The following IRAK2 variants were observed in gnomAD, a reference collection of about 807,000 sequenced individuals.
IRAK2 encodes interleukin-1 receptor-associated kinase-like 2.
In IRAK2, 57 loss-of-function variants were observed where a neutral mutation model predicts 72.0. The ratio of observed to expected loss-of-function variants is 0.79; its 90% CI spans 0.64 to 0.99. IRAK2 has a LOEUF of 0.99. IRAK2 is among the 50% of genes least tolerant of loss of function. The pLI is 0.00. For missense variants in IRAK2, 790 were observed against 794.4 expected, an observed-to-expected ratio of 0.99 and a Z score of 0.07; for synonymous variants, 293 against 312.7, an observed-to-expected ratio of 0.94 and a Z score of 0.67.
At chr3:10,240,313 T>C (rs1698032028) in intron 12 of IRAK2, among the ~76,000 whole-genome samples, 1 of 150,800 alleles carries the variant, frequency 6.6e-6, no homozygotes, top group East Asian at 2.0e-4. Context: ...AAAAATTAGC[T>C]GGGTGTGGTG....
chr3:10,173,764 G>T (rs1696831786), intron 1 of IRAK2, among the ~76,000 whole-genome samples: 1 of 152,182 alleles, frequency 6.6e-6, no homozygotes, highest in South Asian at 2.1e-4. Flanking sequence ...GGCATAGGCT[G>T]CAGTGAACTG....
intron 2 of IRAK2, among the ~76,000 whole-genome samples, chr3:10,181,703 A>T (rs1273395262): frequency 1.3e-5 from 2 of 152,154 alleles, no homozygotes; most frequent in Non-Finnish European, 2.9e-5. Context: ...CTCTACAAAA[A>T]CCACAACCTT....
At chr3:10,215,751 T>TGTACACACACACAC (rs1553625300) in intron 6 of IRAK2, among the ~76,000 whole-genome samples, 16 of 150,026 alleles carry the variant, frequency 1.1e-4, no homozygotes, top group African/African-American at 3.9e-4. Context: ...CTCACATGTG[T>TGTACACACACACAC]ACACACACAC....
intron 6 of IRAK2, among the ~76,000 whole-genome samples, chr3:10,215,054 T>A (rs141585826): frequency 7.3e-4 from 110 of 150,976 alleles, no homozygotes; most frequent in African/African-American, 2.1e-3. Flanking sequence ...ATCATGACAC[T>A]ACACTCCAGC....
intron 10 of IRAK2, among the ~76,000 whole-genome samples, chr3:10,232,249 C>A (rs1692837559): frequency 6.6e-6 from 1 of 152,232 alleles, no homozygotes; most frequent in Admixed American, 6.5e-5. Flanking sequence ...CAGACTGTCT[C>A]ACATTCTGGG....
In IRAK2 at chr3:10,200,414, A is replaced by C; in HGVS notation, c.323A>C (p.Asp108Ala). 1 of 1,606,486 alleles carries C rather than the reference A, an allele frequency of 6.2e-7. No homozygotes were observed. The highest frequency in any genetic ancestry group is 2.2e-5 in the East Asian group (1 of 44,618). The change falls in exon 3 of 13, where the codon GAC becomes GCC. Residue 108 changes from aspartate to alanine, a missense_variant. Transcript: ENST00000256458. The stretch of plus-strand genomic sequence containing the variant: ...AGGTGTCCCATTCCAGCCTTCCCTG[A>C]CTCTGTGAAGCCAGAAAAGCCTTTG... Reference protein sequence around the residue: ...EIRCPIPAFPDSVKPEKPLAA... With the variant: ...EIRCPIPAFPASVKPEKPLAA...
rs777674676 is a variant in IRAK2, at chr3:10,238,861, AGAC to A, written c.1592_1594del (p.Asp531del). The A allele has an allele frequency of 6.2e-7, 1 of 1,614,042 alleles. No individual in the cohort carries two copies. The highest frequency in any genetic ancestry group is 8.5e-7 in the Non-Finnish European group (1 of 1,180,024). On this transcript the variant is annotated inframe_deletion, in exon 12 of 13. Transcript: ENST00000256458. ...CTTCTTCCAACACCCCAGAGGAAACAGACGACGTTGACAATTCCAGCCTTGATG... is the reference window on the plus strand; with the variant it reads ...CTTCTTCCAACACCCCAGAGGAAACAGACGTTGACAATTCCAGCCTTGATG...
chr3:10,190,267 TTTTC>T (rs1181975180), intron 2 of IRAK2, among the ~76,000 whole-genome samples: 6 of 141,628 alleles, frequency 4.2e-5, no homozygotes, highest in African/African-American at 1.4e-4. Flanking sequence ...GATGGTGAGG[TTTTC>T]TTTGTTTCTT....
intron 9 of IRAK2, among the ~76,000 whole-genome samples, chr3:10,226,104 T>A (rs900812948): frequency 6.6e-6 from 1 of 152,204 alleles, no homozygotes. Context: ...GTAATACATA[T>A]AAACACACAC....
At position 10,242,257 on chromosome 3, in the gene IRAK2, C is replaced by T. The variant is rs758313335; in HGVS notation, c.*29C>T. 3.4e-5 allele frequency: 45 copies of T among 1,330,718 alleles called. No homozygotes were observed. The highest frequency in any genetic ancestry group is 4.7e-5 in the Non-Finnish European group (44 of 940,424). 82.4% of individuals were successfully genotyped at this position (1,330,718 alleles called of 1,614,324 possible). On this transcript the variant is annotated 3_prime_UTR_variant, in exon 13 of 13. Coordinates refer to ENST00000256458, the MANE Select transcript of IRAK2 (RefSeq NM_001570.4). ...CCGGAACACAGCTGAGGACCCTTGT[C>T]CTCAGTTGGAAAGATGAGCATCAGA...
intron 2 of IRAK2, among the ~76,000 whole-genome samples, chr3:10,182,279 C>CTTTT (rs71626967): frequency 8.5e-6 from 1 of 117,636 alleles, no homozygotes; most frequent in Non-Finnish European, 1.9e-5. Flanking sequence ...ACATCATTTT[C>CTTTT]TTTTTTTCTT....
At chr3:10,218,035 G>A (rs1432789052) in intron 7 of IRAK2, among the ~76,000 whole-genome samples, 4 of 152,300 alleles carry the variant, frequency 2.6e-5, no homozygotes, top group Non-Finnish European at 4.4e-5. Flanking sequence ...CATTGGGTTC[G>A]TCTGGCTCTA....
At chr3:10,212,021 A>G (rs893336436) in intron 4 of IRAK2, among the ~76,000 whole-genome samples, 1 of 149,350 alleles carries the variant, frequency 6.7e-6, no homozygotes, top group African/African-American at 2.5e-5. Flanking sequence ...CGGAGCTTGC[A>G]GTGAGCCGAG....
chr3:10,177,316 G>A (rs763290871), intron 1 of IRAK2, among the ~76,000 whole-genome samples: 2 of 152,172 alleles, frequency 1.3e-5, no homozygotes, highest in Admixed American at 6.5e-5. Context: ...GTAAGGAGGC[G>A]CTGATGCTCA....
At chr3:10,176,216 A>G (rs560935592) in intron 1 of IRAK2, among the ~76,000 whole-genome samples, 27 of 152,220 alleles carry the variant, frequency 1.8e-4, no homozygotes, top group African/African-American at 6.5e-4. Context: ...TTTTGTATCC[A>G]TGGCTCTCTG....
chr3:10,228,225 GATT>G (rs1179248754), intron 10 of IRAK2, among the ~76,000 whole-genome samples: 4 of 152,106 alleles, frequency 2.6e-5, no homozygotes, highest in Non-Finnish European at 2.9e-5. Flanking sequence ...GGAACAGACA[GATT>G]ATTATTTTAT....
chr3:10,204,818 A>G (rs1001572068), intron 3 of IRAK2, among the ~76,000 whole-genome samples: 1 of 152,110 alleles, frequency 6.6e-6, no homozygotes, highest in African/African-American at 2.4e-5. Flanking sequence ...AAGCATTTCC[A>G]TAGGAAATGG....
intron 1 of IRAK2, among the ~76,000 whole-genome samples, chr3:10,171,781 T>A (rs1384356227): frequency 6.6e-6 from 1 of 151,128 alleles, no homozygotes; most frequent in African/African-American, 2.4e-5. Flanking sequence ...TTTTTTTTTT[T>A]TTGAGACGGA....
chr3:10,219,615 G>T (rs1348992952), intron 7 of IRAK2, 65 bp from the exon 8 acceptor site: 5 of 1,260,456 alleles, frequency 4.0e-6, no homozygotes, highest in African/African-American at 1.5e-5. Flanking sequence ...ACCGCACCTG[G>T]CTGCCATCAG....
Sources: allele counts gnomAD v4.1 joint callset (sites outside exome capture counted in the v4.1 genomes callset), GRCh38; gene constraint gnomAD v4.1.1; transcripts MANE v1.5; gene names NCBI Gene and HGNC (gene_info 2026-07-23, HGNC 2026-07-21).